Variants in PRKCE observed in about 807,000 individuals in gnomAD.
PRKCE encodes the protein protein kinase C epsilon.
In PRKCE, 16 loss-of-function variants were observed where a neutral mutation model predicts 85.4. The observed-to-expected ratio is 0.19, with a 90% CI of 0.13 to 0.28. The LOEUF is 0.28. PRKCE is among the 10% of genes least tolerant of loss of function. The pLI is 1.00. For synonymous variants in PRKCE, 388 were observed against 371.5 expected (o/e 1.04, Z -0.51); for missense variants, 573 against 975.2 (o/e 0.59, Z 5.49).
At chr2:46,003,557 C>A (rs61758275) in intron 7 of PRKCE, among the ~76,000 whole-genome samples, 1 of 152,112 alleles carries the variant, frequency 6.6e-6, no homozygotes, top group African/African-American at 2.4e-5. Context: ...CTTTAAGTAT[C>A]CTATAGTCTA....
intron 2 of PRKCE, among the ~76,000 whole-genome samples, chr2:45,966,237 G>T (rs745860316): frequency 6.6e-6 from 1 of 152,190 alleles, no homozygotes; most frequent in Non-Finnish European, 1.5e-5. Flanking sequence ...GCATGAATAT[G>T]TAATGTTGAT....
intron 2 of PRKCE, among the ~76,000 whole-genome samples, chr2:45,911,078 T>A (rs147418937): frequency 1.3e-5 from 2 of 152,196 alleles, no homozygotes; most frequent in East Asian, 1.9e-4. Context: ...GCAGCTGCCA[T>A]GTGCAGGCCT....
At chr2:45,842,949 G>T (rs772682344) in intron 1 of PRKCE, 51 bp from the exon 2 acceptor site, 1 of 1,538,822 alleles carries the variant, frequency 6.5e-7, no homozygotes, top group South Asian at 1.1e-5. Context: ...GGAACTCTTA[G>T]GTTGCCCACA....
chr2:46,137,294 G>T (rs1675095678), intron 11 of PRKCE, among the ~76,000 whole-genome samples: 1 of 152,146 alleles, frequency 6.6e-6, no homozygotes, highest in Admixed American at 6.5e-5. Context: ...AAAATATGGG[G>T]ACCCACCCAA....
intron 11 of PRKCE, among the ~76,000 whole-genome samples, chr2:46,112,765 C>T (rs1056258130): frequency 1.3e-5 from 2 of 152,158 alleles, no homozygotes; most frequent in African/African-American, 4.8e-5. Context: ...AGTGATCCAC[C>T]CACCTTGGCC....
chr2:45,771,674 G>A (rs1685340292), intron 1 of PRKCE, among the ~76,000 whole-genome samples: 2 of 151,796 alleles, frequency 1.3e-5, no homozygotes, highest in South Asian at 4.2e-4. Flanking sequence ...AAGATACAGG[G>A]GACGTGGAGT....
At chr2:46,093,522 G>A (rs1463228227) in intron 11 of PRKCE, among the ~76,000 whole-genome samples, 1 of 126,760 alleles carries the variant, frequency 7.9e-6, no homozygotes, top group Non-Finnish European at 1.6e-5. Context: ...TTATCTTATT[G>A]TACTTTTCTT....
intron 2 of PRKCE, among the ~76,000 whole-genome samples, chr2:45,901,516 C>A (rs1299135325): frequency 6.6e-6 from 1 of 152,142 alleles, no homozygotes; most frequent in Non-Finnish European, 1.5e-5. Context: ...AGATTTTTAA[C>A]TTGTCATTTA....
intron 2 of PRKCE, among the ~76,000 whole-genome samples, chr2:45,970,010 T>A (rs1256319917): frequency 1.3e-5 from 2 of 152,220 alleles, no homozygotes; most frequent in East Asian, 3.9e-4. Context: ...AAGGGAAACA[T>A]CTATAAGGAT....
chr2:45,972,339 G>A (rs575297816), intron 2 of PRKCE, among the ~76,000 whole-genome samples: 19 of 152,270 alleles, frequency 1.2e-4, no homozygotes, highest in African/African-American at 4.6e-4. Context: ...TGAATTGTGG[G>A]AGTTTCTTAT....
At chr2:46,008,206 A>C (rs1558952503) in intron 9 of PRKCE, among the ~76,000 whole-genome samples, 1 of 152,194 alleles carries the variant, frequency 6.6e-6, no homozygotes, top group Non-Finnish European at 1.5e-5. Flanking sequence ...AATGGGAATA[A>C]TCATCTCATG....
chr2:45,754,906 G>A (rs1387409390), intron 1 of PRKCE, among the ~76,000 whole-genome samples: 3 of 152,348 alleles, frequency 2.0e-5, no homozygotes, highest in Non-Finnish European at 4.4e-5. Context: ...TGCCAGGAGG[G>A]AAGGATTTTT....
chr2:45,939,279 A>C (rs1300574702), intron 2 of PRKCE, among the ~76,000 whole-genome samples: 1 of 152,200 alleles, frequency 6.6e-6, no homozygotes, highest in Non-Finnish European at 1.5e-5. Flanking sequence ...TAGCACCCCA[A>C]TAGTGACAAG....
intron 10 of PRKCE, among the ~76,000 whole-genome samples, chr2:46,071,725 C>T (rs949043411): frequency 2.0e-5 from 3 of 152,176 alleles, no homozygotes; most frequent in Non-Finnish European, 1.5e-5. Context: ...GTTTAGATAA[C>T]GAATTTATGT....
intron 1 of PRKCE, among the ~76,000 whole-genome samples, chr2:45,712,212 A>G (rs928108901): frequency 3.0e-5 from 4 of 134,432 alleles, no homozygotes; most frequent in Non-Finnish European, 6.1e-5. Context: ...CAGTGGTGCA[A>G]TCTCGGCTTA....
In PRKCE at chr2:45,895,479, A is replaced by C. The variant is rs1041448859; in HGVS notation, c.412+52416A>C. Among the ~76,000 whole-genome samples, 4 of 152,218 alleles carry C rather than the reference A, an allele frequency of 2.6e-5. No homozygotes were observed. Among genetic ancestry groups the C allele is most frequent in the Admixed American group, 2.0e-4 (3 of 15,282 alleles). ...TGGGGATACATGGTACAGCCACCCA[A>C]GGCATGGCAGCCATGTGGTGATTTA... is the stretch of plus-strand genomic sequence containing the variant. On this transcript the variant is annotated intron_variant, in intron 2 of 14. Coordinates refer to ENST00000306156, the MANE Select transcript of PRKCE (RefSeq NM_005400.3). The surrounding 1 kb of genome is among the most constrained non-coding windows in gnomAD (Gnocchi z 4.8).
intron 12 of PRKCE, among the ~76,000 whole-genome samples, chr2:46,149,868 T>TC (rs769236906): frequency 6.6e-6 from 1 of 151,714 alleles, no homozygotes; most frequent in Non-Finnish European, 1.5e-5. Context: ...TCCTTTTTTT[T>TC]TTTTTTGAGA....
At chr2:46,182,266 C>T (rs1328346136) in intron 14 of PRKCE, among the ~76,000 whole-genome samples, 1 of 152,162 alleles carries the variant, frequency 6.6e-6, no homozygotes, top group Non-Finnish European at 1.5e-5. Flanking sequence ...AATCCCTCCC[C>T]CTTCCACAGA....
chr2:45,772,324 G>C (rs1017515917), intron 1 of PRKCE, among the ~76,000 whole-genome samples: 5 of 151,688 alleles, frequency 3.3e-5, no homozygotes, highest in Non-Finnish European at 7.4e-5. Context: ...GGGAGTAAAA[G>C]TAACCTAAGG....
Sources: allele counts gnomAD v4.1 joint callset (sites outside exome capture counted in the v4.1 genomes callset), GRCh38; gene constraint gnomAD v4.1.1; non-coding constraint Gnocchi (gnomAD v3.1); transcripts MANE v1.5; gene names NCBI Gene and HGNC (gene_info 2026-07-23, HGNC 2026-07-21).